The following ZKSCAN5 variants were observed in gnomAD, a reference collection of about 807,000 sequenced individuals.
ZKSCAN5 encodes zinc finger with KRAB and SCAN domains 5, also known as zinc finger protein with KRAB and SCAN domains 5.
In ZKSCAN5, 28 loss-of-function variants were observed where a neutral mutation model predicts 60.0. That is an observed-to-expected ratio of 0.47 (90% confidence interval 0.35 to 0.64). The LOEUF is 0.64. Ranked by LOEUF, ZKSCAN5 falls within the 30% of genes least tolerant of loss-of-function variation. The probability of loss-of-function intolerance (pLI) is 0.01; values close to 1 mark genes in which losing one functional copy is unlikely to be tolerated. For missense variants in ZKSCAN5, 881 were observed against 1,034.6 expected, an observed-to-expected ratio of 0.85 and a Z score of 2.04; for synonymous variants, 361 against 371.2, an observed-to-expected ratio of 0.97 and a Z score of 0.31.
At position 99,532,522 on chromosome 7, in the gene ZKSCAN5, G is replaced by C; in HGVS notation, c.*273G>C. On this transcript the variant is annotated 3_prime_UTR_variant, in exon 7 of 7. Coordinates refer to ENST00000326775, the MANE Select transcript of ZKSCAN5 (RefSeq NM_145102.4). The stretch of plus-strand genomic sequence containing the variant: ...ATGGATGGACATGGTCGAGGAATTC[G>C]GAAAGCCTGCAGTTGACATTCAGTC... 3.2e-6 allele frequency: 1 copy of C among 310,258 alleles called. No homozygotes were observed. The highest frequency in any genetic ancestry group is 5.6e-5 in the East Asian group (1 of 17,946). The allele number at this position is 310,258 out of a possible 1,614,324, so 19.2% of individuals were successfully genotyped here.
chr7:99,521,956 C>T (rs1424753653), intron 5 of ZKSCAN5, among the ~76,000 whole-genome samples: 2 of 152,018 alleles, frequency 1.3e-5, no homozygotes, highest in African/African-American at 2.4e-5. Context: ...TTTTCAGTTA[C>T]TTTATAGGTA....
chr7:99,520,454 AT>A lies in ZKSCAN5; in HGVS notation c.772+160del, dbSNP rs11419307. On this transcript the variant is annotated intron_variant, in intron 5 of 6. Transcript: ENST00000326775. ...TTTGTAAAAGAATAAATCAGCCTTC[AT>A]TTTTTTTTTCTTATTCAGTTTATTC... The A allele has an allele frequency of 1.4e-3, 1,094 of 783,676 alleles. 2 individuals are homozygous for A. The highest frequency in any genetic ancestry group is 9.6e-3 in the East Asian group (296 of 30,984). The allele number at this position is 783,676 out of a possible 1,614,324, so 48.5% of individuals were successfully genotyped here.
intron 6 of ZKSCAN5, among the ~76,000 whole-genome samples, chr7:99,527,135 C>T (rs2151115302): frequency 6.6e-6 from 1 of 152,192 alleles, no homozygotes; most frequent in Middle Eastern, 3.4e-3. Flanking sequence ...TTCAAGACCA[C>T]CCTGGGCAAC....
chr7:99,529,095 ATTCT>A (rs938431522), intron 6 of ZKSCAN5, among the ~76,000 whole-genome samples: 11 of 152,022 alleles, frequency 7.2e-5, no homozygotes, highest in African/African-American at 2.7e-4. Flanking sequence ...CTTCACTCTC[ATTCT>A]TCCAGTTTTT....
intron 1 of ZKSCAN5, chr7:99,505,688 C>T (rs904726434): frequency 1.6e-5 from 3 of 193,188 alleles, no homozygotes; most frequent in Non-Finnish European, 3.3e-5. Flanking sequence ...TAGTCTCGTC[C>T]CGTTATTTAT....
intron 2 of ZKSCAN5, among the ~76,000 whole-genome samples, chr7:99,507,543 G>GTA (rs1375290587): frequency 2.2e-5 from 3 of 139,490 alleles, no homozygotes; most frequent in East Asian, 2.0e-4. Flanking sequence ...ATATATATAT[G>GTA]TATATATATG....
chr7:99,519,779 A>C, intron 3 of ZKSCAN5, 48 bp from the exon 4 acceptor site: 9 of 1,570,158 alleles, frequency 5.7e-6, no homozygotes, highest in Non-Finnish European at 7.0e-6. Context: ...TGGCAATGAG[A>C]ACCGGGCAAA....
At chr7:99,526,460 A>G (rs752962594) in intron 6 of ZKSCAN5, 42 bp downstream of exon 6, 3 of 1,564,644 alleles carry the variant, frequency 1.9e-6, no homozygotes, top group Non-Finnish European at 2.6e-6. Flanking sequence ...AATGGAGGCG[A>G]AAAGCAAAAG....
rs757333959 is a variant in ZKSCAN5 at position 99,519,880 on chromosome 7, A to G, written c.607A>G (p.Thr203Ala). The change falls in exon 4 of 7, where the codon ACA becomes GCA. Residue 203 changes from threonine (T) to alanine (A), a missense_variant. This residue lies in a region of ZKSCAN5 where 490 missense variants were observed against 554.5 expected (regional missense o/e 0.88). Transcript: ENST00000326775. ...SLPLKDSQEL[T>A]ASLLSTGSQK... ...TCCCCTGAAGGACAGCCAGGAGCTGACAGCTTCACTTCTCTCAACTGGGTC... is the reference window on the plus strand; with the variant it reads ...TCCCCTGAAGGACAGCCAGGAGCTGGCAGCTTCACTTCTCTCAACTGGGTC... The G allele has an allele frequency of 1.2e-6, 2 of 1,614,118 alleles. No individual in the cohort carries two copies. Among genetic ancestry groups the G allele is most frequent in the Non-Finnish European group, 1.7e-6 (2 of 1,180,042 alleles).
chr7:99,512,810 T>A (rs1240619333), intron 3 of ZKSCAN5, among the ~76,000 whole-genome samples: 4 of 151,674 alleles, frequency 2.6e-5, no homozygotes, highest in African/African-American at 9.7e-5. Flanking sequence ...CTTCTTTTTT[T>A]TTCTTTTATT....
intron 3 of ZKSCAN5, among the ~76,000 whole-genome samples, chr7:99,516,586 G>C (rs1318380734): frequency 6.6e-6 from 1 of 152,134 alleles, no homozygotes; most frequent in Non-Finnish European, 1.5e-5. Context: ...AGGCAGGTCT[G>C]TGCAAGTCAA....
At chr7:99,505,922 T>C (rs1800699470) in intron 1 of ZKSCAN5, 83 bp from the exon 2 acceptor site, 1 of 1,187,664 alleles carries the variant, frequency 8.4e-7, no homozygotes, top group Non-Finnish European at 1.2e-6. Context: ...TTGCTAATAA[T>C]GATGCCCAAT....
Position 99,531,935 on chromosome 7 carries a change from TAC to T in ZKSCAN5, c.2208_2209del (p.Tyr736Ter), listed in dbSNP as rs758740872. 23 of 1,614,048 alleles carry T rather than the reference TAC, an allele frequency of 1.4e-5. No homozygotes were observed. Among genetic ancestry groups the T allele is most frequent in the Non-Finnish European group, 1.9e-5 (23 of 1,180,058 alleles). On this transcript the variant is annotated frameshift_variant, in exon 7 of 7. Coordinates refer to ENST00000326775, the MANE Select transcript of ZKSCAN5 (RefSeq NM_145102.4). LOFTEE classifies it low-confidence loss of function (END_TRUNC). ...TTATAGCTCAGACCTCATTCAGCATTACAGAACTCATACAGCAGAGAAGCCCT... is the reference window on the plus strand; with the variant it reads ...TTATAGCTCAGACCTCATTCAGCATTAGAACTCATACAGCAGAGAAGCCCT... ...FGYSSDLIQH[Y>X]RTHTAEKPYQ...
rs1049582606 is a variant in ZKSCAN5 at position 99,506,515 on chromosome 7, G to A, written c.414+57G>A. 10 of 1,533,130 alleles carry A rather than the reference G, an allele frequency of 6.5e-6. No homozygotes were observed. In the Admixed American group the frequency reaches 2.1e-4, roughly 32 times the overall value. The allele number at this position is 1,533,130 out of a possible 1,614,324, so 95.0% of individuals were successfully genotyped here. ...AGGAGAGGAGTGAACCATCTGCTGA[G>A]CAGGGGTGAGATTCTTAGTCCTCTG... is the stretch of plus-strand genomic sequence containing the variant. On this transcript the variant is annotated intron_variant, in intron 2 of 6. Transcript: ENST00000326775.
intron 5 of ZKSCAN5, among the ~76,000 whole-genome samples, chr7:99,524,200 A>C (rs1584194692): frequency 6.6e-6 from 1 of 151,568 alleles, no homozygotes; most frequent in African/African-American, 2.4e-5. Context: ...CCTCCTGAGT[A>C]GCTGGGATTA....
intron 3 of ZKSCAN5, chr7:99,513,749 C>T (rs552521209): frequency 2.5e-5 from 9 of 355,386 alleles, no homozygotes; most frequent in East Asian, 1.2e-4. Flanking sequence ...AAAACAAGGC[C>T]GGGCTCAGTG....
chr7:99,529,243 C>T (rs942600585), intron 6 of ZKSCAN5, among the ~76,000 whole-genome samples: 13 of 152,100 alleles, frequency 8.5e-5, no homozygotes, highest in East Asian at 3.9e-4. Flanking sequence ...TGGGTTCAGG[C>T]GATTCTTCTG....
intron 3 of ZKSCAN5, among the ~76,000 whole-genome samples, chr7:99,519,452 A>AT (rs1562909351): frequency 6.6e-6 from 1 of 151,640 alleles, no homozygotes; most frequent in Non-Finnish European, 1.5e-5. Flanking sequence ...TGATTTTTGT[A>AT]TTTTTAGTAG....
Position 99,534,471 on chromosome 7 carries a change from C to G in ZKSCAN5, c.*2222C>G, listed in dbSNP as rs1250680388. ...CGGGCAGATCACGAGGTCAAGAGATCGAAACCATCCTGGCCAACCAACATG... is the reference window on the plus strand; with the variant it reads ...CGGGCAGATCACGAGGTCAAGAGATGGAAACCATCCTGGCCAACCAACATG... On this transcript the variant is annotated 3_prime_UTR_variant, in exon 7 of 7. Transcript: ENST00000326775. 6.6e-6 allele frequency: 1 copy of G among 152,106 alleles called. No individual in the cohort carries two copies. The allele number at this position is 152,106 out of a possible 1,614,324, so 9.4% of individuals were successfully genotyped here.
Sources: gnomAD v4.1 joint callset for allele counts (sites outside exome capture counted in the v4.1 genomes callset) on GRCh38, gnomAD v4.1.1 for gene constraint, gnomAD v4.1.1 regional missense constraint, MANE v1.5 for transcripts, NCBI Gene and HGNC (gene_info 2026-07-23, HGNC 2026-07-21) for gene names.